The following ARHGAP22 variants were observed in gnomAD, a reference collection of about 807,000 sequenced individuals.
ARHGAP22 encodes Rho GTPase activating protein 22.
Under a neutral mutation model 59.1 loss-of-function variants are expected in ARHGAP22, and 48 were observed. That is an observed-to-expected ratio of 0.81 (90% confidence interval 0.64 to 1.03). The LOEUF (loss-of-function observed/expected upper bound fraction) is 1.03. Among genes scored for constraint, ARHGAP22 ranks in the 50% least tolerant of loss-of-function variants. The probability of loss-of-function intolerance (pLI) is 0.00; values close to 1 mark genes in which losing one functional copy is unlikely to be tolerated. For synonymous variants in ARHGAP22, 445 were observed against 416.4 expected (o/e 1.07, Z -0.84); for missense variants, 1,015 against 958.7 (o/e 1.06, Z -0.78).
intron 3 of ARHGAP22, among the ~76,000 whole-genome samples, chr10:48,523,622 A>C (rs1326331972): frequency 2.6e-5 from 4 of 152,224 alleles, no homozygotes; most frequent in Non-Finnish European, 5.9e-5. Flanking sequence ...CCGGCAGTTA[A>C]GCCGCAGGGG....
At chr10:48,477,926 C>A (rs2048900028) in intron 4 of ARHGAP22, among the ~76,000 whole-genome samples, 1 of 152,190 alleles carries the variant, frequency 6.6e-6, no homozygotes, top group Non-Finnish European at 1.5e-5. Flanking sequence ...CTTATCTTTT[C>A]ATTTTCTTAA....
At chr10:48,437,158 A>G in the ARHGAP22 span, 2 of 152,238 alleles carry the variant, frequency 1.3e-5, no homozygotes, top group Non-Finnish European at 2.9e-5. Context: ...GTTCAATTCA[A>G]AGAAAACAAA....
intron 1 of ARHGAP22, among the ~76,000 whole-genome samples, chr10:48,585,597 G>A (rs1161678978): frequency 6.6e-6 from 1 of 152,156 alleles, no homozygotes; most frequent in Non-Finnish European, 1.5e-5. Flanking sequence ...TGCTGCTCAT[G>A]GACAACAGCA....
At chr10:48,468,589 G>C (rs1270252568) in intron 4 of ARHGAP22, among the ~76,000 whole-genome samples, 1 of 152,230 alleles carries the variant, frequency 6.6e-6, no homozygotes. Flanking sequence ...TCCAGAACTA[G>C]AAGATAATCA....
intron 1 of ARHGAP22, chr10:48,625,107 T>TG (rs1350748282): frequency 6.6e-6 from 1 of 152,160 alleles, no homozygotes; most frequent in Non-Finnish European, 1.5e-5. Context: ...TCCATGAACT[T>TG]GGGCCAGTCT....
At chr10:48,523,688 G>T (rs958378211) in intron 3 of ARHGAP22, among the ~76,000 whole-genome samples, 1 of 151,978 alleles carries the variant, frequency 6.6e-6, no homozygotes, top group Non-Finnish European at 1.5e-5. Flanking sequence ...GGGTCTGGGC[G>T]CCGGGGGTTC....
chr10:48,642,834 A>G (rs2062647344), intron 1 of ARHGAP22, among the ~76,000 whole-genome samples: 1 of 152,182 alleles, frequency 6.6e-6, no homozygotes, highest in East Asian at 1.9e-4. Flanking sequence ...TTTACAATCT[A>G]CTCATCTGAC....
At chr10:48,506,041 C>T (rs1833565230) in intron 3 of ARHGAP22, among the ~76,000 whole-genome samples, 1 of 152,116 alleles carries the variant, frequency 6.6e-6, no homozygotes, top group Admixed American at 6.5e-5. Flanking sequence ...CTCACCGACG[C>T]TCCTTCCCTC....
chr10:48,636,203 C>T (rs995718886), intron 1 of ARHGAP22, among the ~76,000 whole-genome samples: 1 of 152,174 alleles, frequency 6.6e-6, no homozygotes, highest in African/African-American at 2.4e-5. Context: ...TTCCTCTGCC[C>T]TGCACAGCTT....
At chr10:48,447,295 T>C (rs61838707) in intron 9 of ARHGAP22, among the ~76,000 whole-genome samples, 7,686 of 152,264 alleles carry the variant, frequency 0.05, 258 homozygotes, top group African/African-American at 0.089. Context: ...CTTCTGTCTT[T>C]CCGAAGGGAC....
chr10:48,437,011 AAGGTTCTC>A, the ARHGAP22 span: 2 of 152,198 alleles, frequency 1.3e-5, no homozygotes, highest in Admixed American at 1.3e-4. Context: ...ATGCTTTCAG[AAGGTTCTC>A]ATATTTTATG....
At chr10:48,455,222 C>G in intron 5 of ARHGAP22, 88 bp from the exon 6 acceptor site, 2 of 1,424,024 alleles carry the variant, frequency 1.4e-6, no homozygotes, top group East Asian at 2.4e-5. Flanking sequence ...CAAGGGGCAG[C>G]CTCTGGTCTC....
chr10:48,487,709 T>G (rs2049990832), intron 3 of ARHGAP22, among the ~76,000 whole-genome samples: 1 of 152,196 alleles, frequency 6.6e-6, no homozygotes, highest in South Asian at 2.1e-4. Flanking sequence ...TGTGTCAGGC[T>G]TCTGACCTAC....
chr10:48,550,453 A>G (rs1365609595), intron 3 of ARHGAP22, among the ~76,000 whole-genome samples: 2 of 151,992 alleles, frequency 1.3e-5, no homozygotes, highest in East Asian at 1.9e-4. Flanking sequence ...CATTTCCCAG[A>G]CTCTCTTGCT....
chr10:48,442,022 G>A (rs1219792515), downstream of ARHGAP22, among the ~76,000 whole-genome samples: 2 of 152,208 alleles, frequency 1.3e-5, no homozygotes, highest in Non-Finnish European at 2.9e-5. Flanking sequence ...GGCTGGGTAA[G>A]CTAATGACTA....
At chr10:48,575,999 C>A (rs1321657430) in intron 2 of ARHGAP22, among the ~76,000 whole-genome samples, 4 of 152,186 alleles carry the variant, frequency 2.6e-5, no homozygotes, top group Non-Finnish European at 5.9e-5. Flanking sequence ...ATAAGCAACC[C>A]ACAACCTTCA....
chr10:48,465,309 G>A (rs571009795), intron 4 of ARHGAP22, among the ~76,000 whole-genome samples: 8 of 152,256 alleles, frequency 5.3e-5, no homozygotes, highest in East Asian at 3.9e-4. Flanking sequence ...GGCCTCCCCC[G>A]CCAGCGTTCC....
At chr10:48,647,624 G>A (rs956016289) in intron 1 of ARHGAP22, among the ~76,000 whole-genome samples, 20 of 152,142 alleles carry the variant, frequency 1.3e-4, no homozygotes, top group Admixed American at 1.3e-3. Context: ...ATGTAAAATG[G>A]TACAGAGATT....
intron 1 of ARHGAP22, among the ~76,000 whole-genome samples, chr10:48,611,079 G>T (rs1051983311): frequency 1.3e-5 from 2 of 152,206 alleles, no homozygotes; most frequent in African/African-American, 4.8e-5. Context: ...TATCTGGGCT[G>T]CTCATTGAAT....
Sources: allele counts gnomAD v4.1 joint callset (sites outside exome capture counted in the v4.1 genomes callset), GRCh38; gene constraint gnomAD v4.1.1; transcripts MANE v1.5; gene names NCBI Gene and HGNC (gene_info 2026-07-23, HGNC 2026-07-21).